Variants in SGCD observed in about 807,000 individuals in gnomAD.
The protein encoded by SGCD is delta-sarcoglycan.
A neutral mutation model predicts 36.6 loss-of-function variants in SGCD; 18 were observed. The observed-to-expected ratio is 0.49, with a 90% CI of 0.34 to 0.73. The LOEUF (loss-of-function observed/expected upper bound fraction) is 0.73. SGCD is among the 30% of genes least tolerant of loss of function. The pLI is 0.01. For synonymous variants in SGCD, 133 were observed against 130.6 expected, an observed-to-expected ratio of 1.02 and a Z score of -0.12; for missense variants, 387 against 346.7, an observed-to-expected ratio of 1.12 and a Z score of -0.92.
the SGCD span, among the ~76,000 whole-genome samples, chr5:155,815,880 GA>G: frequency 9.9e-4 from 149 of 150,838 alleles, no homozygotes; most frequent in African/African-American, 3.0e-3. Context: ...AGGCTGGAAA[GA>G]AAAAAAAAGT....
At chr5:156,636,437 A>C (rs1250899081) in intron 6 of SGCD, among the ~76,000 whole-genome samples, 1 of 152,176 alleles carries the variant, frequency 6.6e-6, no homozygotes, top group Non-Finnish European at 1.5e-5. Context: ...TAAGTAGCTT[A>C]TTTTGTGGAG....
At chr5:156,022,900 G>A (rs148737243) in intron 1 of SGCD, among the ~76,000 whole-genome samples, 7 of 152,190 alleles carry the variant, frequency 4.6e-5, no homozygotes, top group Admixed American at 6.5e-5. Context: ...ACTATGAATC[G>A]CACAGAGTGA....
intron 7 of SGCD, among the ~76,000 whole-genome samples, chr5:156,710,400 T>C (rs558302667): frequency 1.6e-4 from 24 of 152,338 alleles, no homozygotes; most frequent in East Asian, 1.5e-3. Context: ...CATTCTGAGG[T>C]GTGCTATGAA....
At chr5:156,139,340 A>T (rs549863792) in intron 3 of SGCD, among the ~76,000 whole-genome samples, 55 of 138,354 alleles carry the variant, frequency 4.0e-4, no homozygotes, top group Non-Finnish European at 6.4e-4. Flanking sequence ...TCTTGAATTA[A>T]TTTTTGTAGT....
the SGCD span, among the ~76,000 whole-genome samples, chr5:155,733,018 T>G: frequency 5.6e-4 from 11 of 19,768 alleles, no homozygotes; most frequent in African/African-American, 1.0e-3. Flanking sequence ...ATACTCGTTT[T>G]TTTTTTTTTT....
chr5:156,402,348 G>A (rs145104560), intron 3 of SGCD, among the ~76,000 whole-genome samples: 2 of 152,266 alleles, frequency 1.3e-5, no homozygotes, highest in East Asian at 1.9e-4. Context: ...AATAATGTAA[G>A]CAAGAGACAC....
chr5:156,237,200 A>T (rs1454659815), intron 3 of SGCD, among the ~76,000 whole-genome samples: 1 of 152,244 alleles, frequency 6.6e-6, no homozygotes, highest in Non-Finnish European at 1.5e-5. Flanking sequence ...TATATCTAAA[A>T]GTAGCACTTG....
intron 1 of SGCD, among the ~76,000 whole-genome samples, chr5:156,101,393 C>T (rs1050341190): frequency 2.0e-5 from 3 of 152,192 alleles, no homozygotes; most frequent in East Asian, 1.9e-4. Context: ...CCTTACCTCA[C>T]TGGTATGTCC....
At chr5:155,904,805 T>C (rs1175532530) in intron 1 of SGCD, among the ~76,000 whole-genome samples, 1 of 152,176 alleles carries the variant, frequency 6.6e-6, no homozygotes, top group Non-Finnish European at 1.5e-5. Context: ...CATCATTTGT[T>C]TGTTGAACAC....
intron 1 of SGCD, among the ~76,000 whole-genome samples, chr5:156,080,521 G>C (rs1257473924): frequency 6.6e-6 from 1 of 152,134 alleles, no homozygotes; most frequent in Non-Finnish European, 1.5e-5. Context: ...GTCTAACTTT[G>C]TTGTTTCATT....
chr5:156,195,598 T>A (rs1429793125), intron 3 of SGCD, among the ~76,000 whole-genome samples: 1 of 152,158 alleles, frequency 6.6e-6, no homozygotes, highest in Non-Finnish European at 1.5e-5. Context: ...TTAATGTACA[T>A]GCTTTTTGAT....
chr5:155,885,425 T>A (rs980189603), intron 1 of SGCD, among the ~76,000 whole-genome samples: 1 of 109,672 alleles, frequency 9.1e-6, no homozygotes, highest in Non-Finnish European at 1.7e-5. Flanking sequence ...GCTTATTGAG[T>A]TAGGAGGTGC....
chr5:155,819,052 G>T, the SGCD span, among the ~76,000 whole-genome samples: 3 of 152,124 alleles, frequency 2.0e-5, no homozygotes, highest in South Asian at 2.1e-4. Context: ...CATGAAACTG[G>T]ATTATAGTCA....
intron 1 of SGCD, among the ~76,000 whole-genome samples, chr5:155,968,188 A>C (rs1185641644): frequency 6.6e-6 from 1 of 152,076 alleles, no homozygotes; most frequent in Non-Finnish European, 1.5e-5. Context: ...TGGATGTTCT[A>C]ATTTTTAAAA....
chr5:156,415,822 T>C (rs777332237), intron 3 of SGCD, among the ~76,000 whole-genome samples: 7 of 152,160 alleles, frequency 4.6e-5, no homozygotes, highest in African/African-American at 1.7e-4. Context: ...AGGGGTTAAA[T>C]AGGGCAAAAC....
intron 1 of SGCD, among the ~76,000 whole-genome samples, chr5:156,096,278 T>C (rs545499212): frequency 1.3e-5 from 2 of 152,328 alleles, no homozygotes; most frequent in South Asian, 4.1e-4. Flanking sequence ...CCAAACATTG[T>C]AGCCAAATGC....
chr5:156,518,594 A>C (rs763105633), intron 4 of SGCD, among the ~76,000 whole-genome samples: 2 of 152,058 alleles, frequency 1.3e-5, no homozygotes, highest in Non-Finnish European at 2.9e-5. Flanking sequence ...ATAAAATTCC[A>C]ATTGTGATTG....
At chr5:155,792,582 A>T in the SGCD span, among the ~76,000 whole-genome samples, 2 of 152,164 alleles carry the variant, frequency 1.3e-5, no homozygotes, top group African/African-American at 4.8e-5. Context: ...ATCCAACTAA[A>T]AAATGGACAA....
At chr5:156,705,354 C>G (rs1027138748) in intron 7 of SGCD, among the ~76,000 whole-genome samples, 2 of 152,080 alleles carry the variant, frequency 1.3e-5, no homozygotes, top group African/African-American at 4.8e-5. Context: ...CAGGGAATCA[C>G]GTGATTTGCT....
Sources: gnomAD v4.1 joint callset for allele counts (sites outside exome capture counted in the v4.1 genomes callset) on GRCh38, gnomAD v4.1.1 for gene constraint, MANE v1.5 for transcripts, NCBI Gene and HGNC (gene_info 2026-07-23, HGNC 2026-07-21) for gene names.